The following PCNX2 variants were observed in gnomAD, a reference collection of about 807,000 sequenced individuals.
PCNX2 encodes the protein pecanex 2.
Under a neutral mutation model 223.8 loss-of-function variants are expected in PCNX2, and 168 were observed. The ratio of observed to expected loss-of-function variants is 0.75; its 90% CI spans 0.66 to 0.85. The LOEUF (loss-of-function observed/expected upper bound fraction) is 0.85. PCNX2 is among the 40% of genes least tolerant of loss of function. PCNX2 has a pLI of 0.00. For synonymous variants in PCNX2, 1,006 were observed against 1,052.6 expected (o/e 0.96, Z 0.86); for missense variants, 2,507 against 2,675.5 (o/e 0.94, Z 1.39).
At chr1:233,122,736 C>G (rs573354205) in intron 21 of PCNX2, among the ~76,000 whole-genome samples, 1 of 151,872 alleles carries the variant, frequency 6.6e-6, no homozygotes, top group Non-Finnish European at 1.5e-5. Flanking sequence ...TTGGTCAGAC[C>G]GGTCTTGAAC....
chr1:233,284,352 C>T (rs1187919000), intron 1 of PCNX2, among the ~76,000 whole-genome samples: 1 of 152,126 alleles, frequency 6.6e-6, no homozygotes, highest in Non-Finnish European at 1.5e-5. Context: ...TAGTCAGACT[C>T]TCACACACCT....
chr1:233,289,527 G>A, intron 1 of PCNX2: 1 of 669,736 alleles, frequency 1.5e-6, no homozygotes, highest in Non-Finnish European at 2.7e-6. Flanking sequence ...CATGCTGCAG[G>A]CTCTTCGCCT....
intron 25 of PCNX2, among the ~76,000 whole-genome samples, chr1:233,034,752 T>A (rs185678621): frequency 1.3e-5 from 2 of 152,126 alleles, no homozygotes; most frequent in Non-Finnish European, 2.9e-5. Context: ...TTTTTTTGCA[T>A]CCCAAAAGGC....
At chr1:233,044,035 G>C (rs938093915) in intron 25 of PCNX2, among the ~76,000 whole-genome samples, 2 of 151,600 alleles carry the variant, frequency 1.3e-5, no homozygotes, top group African/African-American at 4.8e-5. Flanking sequence ...CAGTGTAAAA[G>C]TGTTCCTATT....
intron 8 of PCNX2, among the ~76,000 whole-genome samples, chr1:233,249,229 A>C (rs1255145796): frequency 6.6e-6 from 1 of 152,240 alleles, no homozygotes; most frequent in Non-Finnish European, 1.5e-5. Flanking sequence ...ACCTAGGGGA[A>C]AAATGACATA....
chr1:233,318,566 T>TTTCTTTTC, the PCNX2 span, among the ~76,000 whole-genome samples: 5 of 138,988 alleles, frequency 3.6e-5, no homozygotes, highest in Non-Finnish European at 7.7e-5. Context: ...TCTTTTTCTT[T>TTTCTTTTC]TTTTTTTTTT....
At chr1:233,150,636 TCTTC>T (rs1194145407) in intron 19 of PCNX2, among the ~76,000 whole-genome samples, 1 of 152,228 alleles carries the variant, frequency 6.6e-6, no homozygotes, top group Non-Finnish European at 1.5e-5. Flanking sequence ...GTTTCTTTCT[TCTTC>T]CTTCATTTTA....
chr1:233,317,590 C>T, the PCNX2 span, among the ~76,000 whole-genome samples: 1 of 151,544 alleles, frequency 6.6e-6, no homozygotes, highest in African/African-American at 2.4e-5. Flanking sequence ...TTAATTCTGA[C>T]TATCCTAAGG....
intron 8 of PCNX2, among the ~76,000 whole-genome samples, chr1:233,249,746 T>C (rs539874715): frequency 5.1e-4 from 77 of 152,284 alleles, no homozygotes; most frequent in African/African-American, 1.8e-3. Context: ...TCACCTACGG[T>C]TCCCATCAGA....
intron 25 of PCNX2, chr1:233,033,114 C>CT (rs962029157): frequency 3.0e-6 from 3 of 985,280 alleles, no homozygotes; most frequent in Non-Finnish European, 3.6e-6. Flanking sequence ...GAATGTCAAG[C>CT]TGGCAAGGCT....
At chr1:233,232,766 A>G (rs1658145751) in intron 9 of PCNX2, 2 of 973,544 alleles carry the variant, frequency 2.1e-6, no homozygotes, top group Non-Finnish European at 2.4e-6. Context: ...TCTACCTAGA[A>G]TAACAGTCAG....
chr1:233,259,325 GTCT>G lies in PCNX2; in HGVS notation c.534_536del (p.Glu178del). The G allele has an allele frequency of 6.2e-7, 1 of 1,611,962 alleles. No homozygotes were observed. On this transcript the variant is annotated inframe_deletion, in exon 5 of 34. Coordinates refer to ENST00000258229, the MANE Select transcript of PCNX2 (RefSeq NM_014801.4). ...TAGATGACACTGGTGCTATGGGATG[GTCT>G]TCTAATAGAATGACACCTGAAATGA... is the stretch of plus-strand genomic sequence containing the variant.
intron 1 of PCNX2, among the ~76,000 whole-genome samples, chr1:233,267,368 T>C (rs868448139): frequency 9.9e-5 from 15 of 152,110 alleles, no homozygotes; most frequent in African/African-American, 3.1e-4. Context: ...TGGTAAAATA[T>C]ATATAATACA....
At chr1:233,153,382 G>T (rs776329633) in intron 19 of PCNX2, among the ~76,000 whole-genome samples, 7 of 152,180 alleles carry the variant, frequency 4.6e-5, no homozygotes, top group Non-Finnish European at 1.0e-4. Flanking sequence ...CGTCTGTGTG[G>T]AAAGTTGGAA....
intron 25 of PCNX2, among the ~76,000 whole-genome samples, chr1:233,039,469 G>C (rs1347734556): frequency 2.6e-5 from 4 of 152,162 alleles, no homozygotes; most frequent in African/African-American, 9.7e-5. Context: ...GATAATATAA[G>C]TAAAGAAACT....
intron 12 of PCNX2, among the ~76,000 whole-genome samples, chr1:233,216,308 A>C (rs1046226273): frequency 6.6e-6 from 1 of 152,246 alleles, no homozygotes; most frequent in Non-Finnish European, 1.5e-5. Context: ...TGTGTTTCAG[A>C]GTTCACAAAA....
At chr1:233,064,477 A>G (rs1672518100) in intron 23 of PCNX2, among the ~76,000 whole-genome samples, 1 of 152,122 alleles carries the variant, frequency 6.6e-6, no homozygotes, top group Non-Finnish European at 1.5e-5. Flanking sequence ...ACTGATGGGG[A>G]AGACCTTCAG....
chr1:233,271,188 T>C (rs1660620520), intron 1 of PCNX2, among the ~76,000 whole-genome samples: 1 of 152,170 alleles, frequency 6.6e-6, no homozygotes. Context: ...CAATCATAAA[T>C]TTGTACTGAG....
At position 233,258,608 on chromosome 1, in the gene PCNX2, G is replaced by T. The variant is rs752433039; in HGVS notation, c.1254C>A (p.Ala418=). The T allele has an allele frequency of 1.2e-6, 2 of 1,613,892 alleles. No homozygotes were observed. Among genetic ancestry groups the T allele is most frequent in the Non-Finnish European group, 8.5e-7 (1 of 1,179,854 alleles). Residue 418 remains alanine, a synonymous_variant, in exon 5 of 34, where the codon GCC becomes GCA. Coordinates refer to ENST00000258229, the MANE Select transcript of PCNX2 (RefSeq NM_014801.4). ...SDAEPTNPGA[A]GSPNAEQISI... is the part of the protein sequence containing the mutation. ...AGATCTGCTCGGCATTTGGAGAACC[G>T]GCCGCCCCTGGGTTAGTGGGCTCAG...
Sources: gnomAD v4.1 joint callset for allele counts (sites outside exome capture counted in the v4.1 genomes callset) on GRCh38, gnomAD v4.1.1 for gene constraint, MANE v1.5 for transcripts, NCBI Gene and HGNC (gene_info 2026-07-23, HGNC 2026-07-21) for gene names.